The following GTF2E1 variants were observed in gnomAD, a reference collection of about 807,000 sequenced individuals.
GTF2E1 encodes general transcription factor IIE subunit 1.
A neutral mutation model predicts 34.9 loss-of-function variants in GTF2E1; 14 were observed. The observed-to-expected ratio is 0.40, with a 90% CI of 0.27 to 0.63. The LOEUF is 0.63. Among genes scored for constraint, GTF2E1 ranks in the 20% least tolerant of loss-of-function variants. The pLI is 0.39. For synonymous variants in GTF2E1, 188 were observed against 192.9 expected (o/e 0.97, Z 0.21); for missense variants, 469 against 557.7 (o/e 0.84, Z 1.60).
At chr3:120,749,569 T>C (rs1454671040) in intron 1 of GTF2E1, among the ~76,000 whole-genome samples, 2 of 152,182 alleles carry the variant, frequency 1.3e-5, no homozygotes, top group East Asian at 1.9e-4. Flanking sequence ...TTGATTTGCG[T>C]ATATTGAACC....
At chr3:120,775,108 T>G (rs567040987) in intron 3 of GTF2E1, among the ~76,000 whole-genome samples, 5 of 151,834 alleles carry the variant, frequency 3.3e-5, no homozygotes, top group African/African-American at 1.2e-4. Flanking sequence ...TAAGTATGAG[T>G]TAGAAAACCC....
intron 2 of GTF2E1, 65 bp from the exon 3 acceptor site, chr3:120,770,663 G>A: frequency 1.9e-6 from 2 of 1,075,828 alleles, no homozygotes; most frequent in South Asian, 1.3e-5. Context: ...TATTGGGGGA[G>A]GGTGGAGGTA....
At chr3:120,760,323 T>A (rs1209060987) in intron 2 of GTF2E1, among the ~76,000 whole-genome samples, 1 of 152,028 alleles carries the variant, frequency 6.6e-6, no homozygotes, top group Admixed American at 6.6e-5. Flanking sequence ...TGAAGGAGAT[T>A]TTGGGCTGAA....
chr3:120,759,532 A>T (rs925995643), intron 2 of GTF2E1, among the ~76,000 whole-genome samples: 1 of 151,910 alleles, frequency 6.6e-6, no homozygotes, highest in Non-Finnish European at 1.5e-5. Context: ...GTCCTGAATG[A>T]TATTGCCTAG....
At chr3:120,755,106 TTAAG>T (rs1322749479) in intron 2 of GTF2E1, among the ~76,000 whole-genome samples, 2 of 151,994 alleles carry the variant, frequency 1.3e-5, no homozygotes, top group South Asian at 4.1e-4. Flanking sequence ...TCTTTGATAA[TTAAG>T]TAAGTGTCTA....
intron 3 of GTF2E1, among the ~76,000 whole-genome samples, chr3:120,774,382 A>G (rs142266198): frequency 2.0e-5 from 3 of 152,336 alleles, no homozygotes; most frequent in East Asian, 1.9e-4. Flanking sequence ...AGTAAAGTGA[A>G]TGCTGAAGAA....
At chr3:120,752,022 T>A (rs6770934) in intron 2 of GTF2E1, among the ~76,000 whole-genome samples, 38,364 of 150,650 alleles carry the variant, frequency 0.25, 5,673 homozygotes, top group Non-Finnish European at 0.33. Flanking sequence ...TTAAAAAAAA[T>A]TTTTAAGTGG....
chr3:120,780,233 T>C (rs529112731), intron 4 of GTF2E1, among the ~76,000 whole-genome samples: 11 of 152,320 alleles, frequency 7.2e-5, no homozygotes, highest in Non-Finnish European at 1.5e-4. Flanking sequence ...TGGTAGAACC[T>C]ACATCCTTGG....
rs1314144565 is a variant in GTF2E1, at chr3:120,750,667, A to G, written c.115A>G (p.Arg39Gly). Residue 39 changes from arginine (R) to glycine (G), a missense_variant, in exon 2 of 5, where the codon AGG becomes GGG. Coordinates refer to ENST00000283875, the MANE Select transcript of GTF2E1 (RefSeq NM_005513.3). ...EHALALDILIRNSCVKEEDML... is the reference protein window; with the variant it reads ...EHALALDILIGNSCVKEEDML... ...TGCCTTGGCCTTGGACATCTTGATC[A>G]GGAACTCCTGTGTGAAAGAGGAGGA... is the stretch of plus-strand genomic sequence containing the variant. 3 of 1,614,054 alleles carry G rather than the reference A, an allele frequency of 1.9e-6. No individual in the cohort carries two copies. The highest frequency in any genetic ancestry group is 1.7e-6 in the Non-Finnish European group (2 of 1,179,920).
intron 2 of GTF2E1, among the ~76,000 whole-genome samples, chr3:120,768,598 T>G (rs1709327652): frequency 6.6e-6 from 1 of 152,200 alleles, no homozygotes; most frequent in African/African-American, 2.4e-5. Context: ...TAGTTCTCAT[T>G]GACAGTCTCT....
intron 1 of GTF2E1, among the ~76,000 whole-genome samples, chr3:120,744,896 A>G (rs1709092203): frequency 1.3e-5 from 2 of 151,674 alleles, no homozygotes; most frequent in Non-Finnish European, 2.9e-5. Context: ...GAGTTCATAC[A>G]TTAACTGTGT....
intron 2 of GTF2E1, among the ~76,000 whole-genome samples, chr3:120,768,479 G>A (rs1456129574): frequency 2.0e-5 from 3 of 152,164 alleles, no homozygotes; most frequent in African/African-American, 7.2e-5. Context: ...CAGAGCATTT[G>A]CTTTTATGTT....
chr3:120,756,194 C>T (rs1316538836), intron 2 of GTF2E1, among the ~76,000 whole-genome samples: 1 of 152,154 alleles, frequency 6.6e-6, no homozygotes, highest in Non-Finnish European at 1.5e-5. Context: ...AAACTGTTCT[C>T]CATGGTGATT....
intron 2 of GTF2E1, among the ~76,000 whole-genome samples, chr3:120,752,777 C>G (rs561093536): frequency 6.6e-6 from 1 of 152,218 alleles, no homozygotes; most frequent in South Asian, 2.1e-4. Flanking sequence ...GTGTTGTGGC[C>G]AGTCTGAACA....
intron 2 of GTF2E1, among the ~76,000 whole-genome samples, chr3:120,766,646 G>A (rs1041666797): frequency 6.6e-6 from 1 of 151,850 alleles, no homozygotes; most frequent in Admixed American, 6.6e-5. Context: ...TTCTCAATAA[G>A]CTTTTCCTAG....
chr3:120,749,554 A>G (rs1207112547), intron 1 of GTF2E1, among the ~76,000 whole-genome samples: 1 of 152,132 alleles, frequency 6.6e-6, no homozygotes, highest in East Asian at 1.9e-4. Flanking sequence ...GCTGGATTAC[A>G]TTTATTGATT....
chr3:120,747,918 C>G (rs1392592656), intron 1 of GTF2E1, among the ~76,000 whole-genome samples: 1 of 152,152 alleles, frequency 6.6e-6, no homozygotes, highest in African/African-American at 2.4e-5. Context: ...CCTGTTGTTT[C>G]CTGACTTTTT....
intron 2 of GTF2E1, among the ~76,000 whole-genome samples, chr3:120,757,989 C>G (rs1297283345): frequency 6.6e-6 from 1 of 152,032 alleles, no homozygotes; most frequent in Non-Finnish European, 1.5e-5. Flanking sequence ...AGGGTGAAAC[C>G]CCATCTCTAC....
intron 4 of GTF2E1, among the ~76,000 whole-genome samples, chr3:120,779,920 C>T (rs972731298): frequency 1.3e-5 from 2 of 152,126 alleles, no homozygotes; most frequent in African/African-American, 4.8e-5. Context: ...TTTTAAATGG[C>T]AGTATGTTTG....
Sources: allele counts gnomAD v4.1 joint callset (sites outside exome capture counted in the v4.1 genomes callset), GRCh38; gene constraint gnomAD v4.1.1; transcripts MANE v1.5; gene names NCBI Gene and HGNC (gene_info 2026-07-23, HGNC 2026-07-21).